Variants in NGLY1 observed in about 807,000 individuals in gnomAD.
NGLY1 encodes the protein peptide-N(4)-(N-acetyl-beta-glucosaminyl)asparagine amidase.
In NGLY1, 68 loss-of-function variants were observed where a neutral mutation model predicts 84.6. The observed-to-expected ratio is 0.80, with a 90% CI of 0.66 to 0.98. NGLY1 has a LOEUF of 0.98. Ranked by LOEUF, NGLY1 falls within the 50% of genes least tolerant of loss-of-function variation. NGLY1 has a pLI of 0.00. For synonymous variants in NGLY1, 280 were observed against 275.2 expected, an observed-to-expected ratio of 1.02 and a Z score of -0.17; for missense variants, 779 against 770.2, an observed-to-expected ratio of 1.01 and a Z score of -0.14.
At position 25,744,880 on chromosome 3, in the gene NGLY1, C is replaced by T. The variant is rs1440735583; in HGVS notation, c.659-5081G>A. On this transcript the variant is annotated intron_variant, in intron 4 of 11. Coordinates refer to ENST00000280700, the MANE Select transcript of NGLY1 (RefSeq NM_018297.4). ...TGATGTGAAGGATGGAAAACATATA[C>T]ATCCGAGCCGAAAAGACAGAAGGCA... Among the ~76,000 whole-genome samples the T allele has an allele frequency of 5.9e-5, 9 of 152,290 alleles. No homozygotes were observed. In the South Asian group the frequency reaches 6.2e-4, roughly 11 times the overall value.
chr3:25,768,599 T>C (rs142616192), intron 2 of NGLY1, among the ~76,000 whole-genome samples: 1,688 of 149,806 alleles, frequency 0.011, 22 homozygotes, highest in South Asian at 0.043. Context: ...AGTCTCACTG[T>C]GTCGCCGAGG....
intron 4 of NGLY1, among the ~76,000 whole-genome samples, chr3:25,742,969 T>C (rs1194016903): frequency 6.7e-6 from 1 of 150,032 alleles, no homozygotes; most frequent in Non-Finnish European, 1.5e-5. Flanking sequence ...TCCTGGAATA[T>C]GTGGATAAAT....
intron 10 of NGLY1, among the ~76,000 whole-genome samples, chr3:25,721,150 G>A (rs1704967773): frequency 6.6e-6 from 1 of 152,078 alleles, no homozygotes; most frequent in Admixed American, 6.5e-5. Context: ...GAATGCAGTG[G>A]TGCAATCATA....
At chr3:25,783,671 C>T (rs1262920227), upstream of NGLY1, 3 of 263,984 alleles carry the variant, frequency 1.1e-5, no homozygotes, top group Non-Finnish European at 2.0e-5. This position sits in a 1 kb window ranked among gnomAD's most constrained non-coding sequence, Gnocchi z 4.5. Flanking sequence ...GGAGCTACGG[C>T]TGCCCCTTCG....
Position 25,778,641 on chromosome 3 carries a change from G to C in NGLY1, c.179C>G (p.Ala60Gly). 2.5e-6 allele frequency: 4 copies of C among 1,612,722 alleles called. No homozygotes were observed. Among genetic ancestry groups the C allele is most frequent in the South Asian group, 2.2e-5 (2 of 90,832 alleles). The change falls in exon 2 of 12, where the codon GCC becomes GGC. Residue 60 changes from alanine to glycine, a missense_variant. Physicochemically the swap from Ala to Gly is moderately conservative, Grantham distance 60. Coordinates refer to ENST00000280700, the MANE Select transcript of NGLY1 (RefSeq NM_018297.4). ...GACAGGCAAGAGTCTAGTAGAAAAG[G>C]CTGTGTTTCCAATCCGGATGGATCT... ...KYRSIRIGNT[A>G]FSTRLLPVRG...
In NGLY1 at chr3:25,719,406, G is replaced by T; in HGVS notation, c.*54C>A. On this transcript the variant is annotated 3_prime_UTR_variant, in exon 12 of 12. Transcript: ENST00000280700. ...CAACTAAGCATGCACTGAACCAACAGACTACTTCAGTAAGTCCTTGATTAT... is the reference window on the plus strand; with the variant it reads ...CAACTAAGCATGCACTGAACCAACATACTACTTCAGTAAGTCCTTGATTAT... 2 of 1,516,496 alleles carry T rather than the reference G, an allele frequency of 1.3e-6. No homozygotes were observed. The highest frequency in any genetic ancestry group is 1.2e-5 in the South Asian group (1 of 85,436). 93.9% of individuals were successfully genotyped at this position (1,516,496 alleles called of 1,614,324 possible).
intron 3 of NGLY1, among the ~76,000 whole-genome samples, chr3:25,758,025 A>G: frequency 6.6e-6 from 1 of 152,248 alleles, no homozygotes; most frequent in East Asian, 1.9e-4. Flanking sequence ...TTAATCCTCA[A>G]TCTAGCTTAA....
intron 2 of NGLY1, among the ~76,000 whole-genome samples, chr3:25,769,716 A>G (rs1707801245): frequency 6.6e-6 from 1 of 152,186 alleles, no homozygotes; most frequent in Non-Finnish European, 1.5e-5. Context: ...AAAAAAAGTA[A>G]TCATTTTTTA....
intron 9 of NGLY1, chr3:25,729,577 T>C (rs1705436046): frequency 4.2e-6 from 1 of 236,862 alleles, no homozygotes; most frequent in Non-Finnish European, 8.0e-6. Flanking sequence ...AATGAATTCA[T>C]TAATTTTTAT....
At chr3:25,755,181 C>G in intron 3 of NGLY1, 1 of 1,285,232 alleles carries the variant, frequency 7.8e-7, no homozygotes, top group Non-Finnish European at 1.1e-6. Flanking sequence ...ACCTCTCTTC[C>G]CCCAAGAGGT....
chr3:25,751,353 C>G, intron 3 of NGLY1, 90 bp from the exon 4 acceptor site: 1 of 1,096,264 alleles, frequency 9.1e-7, no homozygotes, highest in Non-Finnish European at 1.2e-6. Context: ...TATGATTTTA[C>G]AGATAGAAGG....
chr3:25,777,266 A>C (rs1708196229), intron 2 of NGLY1, among the ~76,000 whole-genome samples: 1 of 152,018 alleles, frequency 6.6e-6, no homozygotes, highest in Non-Finnish European at 1.5e-5. Context: ...GTGCTGTCGT[A>C]TGCCTTTAAT....
intron 4 of NGLY1, among the ~76,000 whole-genome samples, chr3:25,750,058 G>A (rs1346482297): frequency 6.6e-6 from 1 of 152,134 alleles, no homozygotes; most frequent in Non-Finnish European, 1.5e-5. Flanking sequence ...TAAAGAAGAG[G>A]TTTAATTGAC....
Position 25,750,985 on chromosome 3 carries a change from T to G in NGLY1, c.658+113A>C. 2.0e-6 allele frequency: 2 copies of G among 1,013,210 alleles called. 1 individual carries two copies. 62.8% of individuals were successfully genotyped at this position (1,013,210 alleles called of 1,614,324 possible). A position where few individuals can be genotyped will look rare whatever the true frequency, so the allele number is the denominator to read the frequency against. On this transcript the variant is annotated intron_variant, in intron 4 of 11. Transcript: ENST00000280700. ...TGGTTTAAAAGAATCCACATATAAG[T>G]GGACCCATGCAGTTCAAACCCATGT...
intron 1 of NGLY1, among the ~76,000 whole-genome samples, chr3:25,781,519 C>T (rs140596629): frequency 3.7e-4 from 57 of 152,302 alleles, no homozygotes; most frequent in Non-Finnish European, 7.1e-4. Flanking sequence ...AAAAGCAACG[C>T]ACAAAGACTT....
At position 25,783,151 on chromosome 3, in the gene NGLY1, G is replaced by A. The variant is rs1257754771; in HGVS notation, c.131+109C>T. On this transcript the variant is annotated intron_variant, in intron 1 of 11. Coordinates refer to ENST00000280700, the MANE Select transcript of NGLY1 (RefSeq NM_018297.4). The surrounding 1 kb of genome is among the most constrained non-coding windows in gnomAD (Gnocchi z 4.5). Reference sequence around the variant, plus strand: ...ACCAGCTCCAGGTCCCGGTCTGTCCGGGCGTCGCTGCCCTCTGAAGCTCAG... The same window carrying A: ...ACCAGCTCCAGGTCCCGGTCTGTCCAGGCGTCGCTGCCCTCTGAAGCTCAG... 6 of 1,031,154 alleles carry A rather than the reference G, an allele frequency of 5.8e-6. No individual in the cohort carries two copies. Among genetic ancestry groups the A allele is most frequent in the Non-Finnish European group, 8.6e-6 (6 of 698,770 alleles). The allele number at this position is 1,031,154 out of a possible 1,614,324, so 63.9% of individuals were successfully genotyped here. A position where few individuals can be genotyped will look rare whatever the true frequency, so the allele number is the denominator to read the frequency against.
intron 3 of NGLY1, among the ~76,000 whole-genome samples, chr3:25,752,189 A>G (rs986323699): frequency 7.2e-5 from 11 of 152,306 alleles, no homozygotes; most frequent in African/African-American, 2.4e-4. Flanking sequence ...GAAAGACTCA[A>G]CTATAGATCT....
At chr3:25,741,414 T>C (rs1706133887) in intron 4 of NGLY1, among the ~76,000 whole-genome samples, 1 of 152,054 alleles carries the variant, frequency 6.6e-6, no homozygotes, top group East Asian at 1.9e-4. Flanking sequence ...ATGGACTGTT[T>C]CAATAAATGA....
intron 1 of NGLY1, among the ~76,000 whole-genome samples, chr3:25,780,962 G>A (rs1026674121): frequency 2.0e-5 from 3 of 151,810 alleles, no homozygotes; most frequent in Admixed American, 6.6e-5. Context: ...TTCCTCTTTA[G>A]TTTCTAGTGA....
Sources: allele counts gnomAD v4.1 joint callset (sites outside exome capture counted in the v4.1 genomes callset), GRCh38; gene constraint gnomAD v4.1.1; non-coding constraint Gnocchi (gnomAD v3.1); transcripts MANE v1.5; gene names NCBI Gene and HGNC (gene_info 2026-07-23, HGNC 2026-07-21).